Variants in COMMD10 observed in about 807,000 individuals in gnomAD.
The protein encoded by COMMD10 is COMM domain containing 10.
Under a neutral mutation model 28.9 loss-of-function variants are expected in COMMD10, and 33 were observed. That is an observed-to-expected ratio of 1.14 (90% CI 0.87 to 1.53). The LOEUF is 1.53. COMMD10 is among the 40% of genes most tolerant of loss of function. The pLI is 0.00. For missense variants in COMMD10, 310 were observed against 233.4 expected (o/e 1.33, Z -2.14); for synonymous variants, 110 against 81.7 (o/e 1.35, Z -1.87).
At chr5:116,222,990 G>A (rs953890411) in intron 5 of COMMD10, among the ~76,000 whole-genome samples, 5 of 152,018 alleles carry the variant, frequency 3.3e-5, no homozygotes, top group African/African-American at 2.4e-5. Context: ...GCGCTCAGCC[G>A]CCCTTTTTAA....
chr5:116,186,313 G>A (rs1373404077), intron 5 of COMMD10, among the ~76,000 whole-genome samples: 1 of 151,888 alleles, frequency 6.6e-6, no homozygotes, highest in Non-Finnish European at 1.5e-5. Flanking sequence ...TTTCATTTCC[G>A]CACTTAACAG....
intron 5 of COMMD10, among the ~76,000 whole-genome samples, chr5:116,214,194 A>G (rs865818325): frequency 6.6e-6 from 1 of 152,130 alleles, no homozygotes; most frequent in African/African-American, 2.4e-5. Flanking sequence ...AACTTCTTGG[A>G]AAGTAGAACC....
rs181454362 is a variant in COMMD10 at position 116,087,502 on chromosome 5, A to T, written c.47A>T (p.Lys16Met). ...TGTTTTATAATTTTGTTTAGCATGA[A>T]GAAAGCAGTGTCACTGATAAATGCA... The part of the protein sequence containing the change: ...ALILRESPSM[K>M]KAVSLINAID... The change falls in exon 2 of 7, where the codon AAG becomes ATG. Residue 16 changes from lysine to methionine, a missense_variant. Transcript: ENST00000274458. 4.4e-6 allele frequency: 7 copies of T among 1,603,188 alleles called. No homozygotes were observed. The highest frequency in any genetic ancestry group is 6.0e-6 in the Non-Finnish European group (7 of 1,170,010).
chr5:116,106,662 G>C (rs1246464613), intron 4 of COMMD10, among the ~76,000 whole-genome samples: 1 of 152,114 alleles, frequency 6.6e-6, no homozygotes, highest in African/African-American at 2.4e-5. Context: ...ATGAATTGGG[G>C]TGCTCCTGTA....
chr5:116,197,615 C>T (rs56252845), intron 5 of COMMD10, among the ~76,000 whole-genome samples: 12,563 of 152,138 alleles, frequency 0.083, 1,007 homozygotes, highest in African/African-American at 0.2. Flanking sequence ...AAACTGAGCA[C>T]AAGTGATCCA....
At chr5:116,145,337 T>A (rs751730732) in intron 5 of COMMD10, among the ~76,000 whole-genome samples, 3 of 151,874 alleles carry the variant, frequency 2.0e-5, no homozygotes, top group Admixed American at 6.6e-5. Flanking sequence ...TTCATCTATT[T>A]TTAATTGCTC....
At chr5:116,171,222 A>G (rs1221046151) in intron 5 of COMMD10, among the ~76,000 whole-genome samples, 1 of 152,178 alleles carries the variant, frequency 6.6e-6, no homozygotes, top group African/African-American at 2.4e-5. Flanking sequence ...CAGACATACG[A>G]AAAAAAGCTC....
intron 5 of COMMD10, among the ~76,000 whole-genome samples, chr5:116,222,113 G>A (rs1749275518): frequency 6.6e-6 from 1 of 152,164 alleles, no homozygotes; most frequent in African/African-American, 2.4e-5. Flanking sequence ...CATCTGGGAT[G>A]TTAAGAAGTT....
At chr5:116,140,745 T>C (rs2112781148) in intron 5 of COMMD10, among the ~76,000 whole-genome samples, 1 of 151,948 alleles carries the variant, frequency 6.6e-6, no homozygotes, top group African/African-American at 2.4e-5. Context: ...CTATTTAGGT[T>C]CTTTGCCCCT....
intron 4 of COMMD10, among the ~76,000 whole-genome samples, chr5:116,098,387 A>T (rs1348198177): frequency 6.6e-6 from 1 of 152,202 alleles, no homozygotes; most frequent in South Asian, 2.1e-4. Flanking sequence ...AGCAGAACAC[A>T]TGTTGGTAGT....
intron 2 of COMMD10, among the ~76,000 whole-genome samples, chr5:116,089,471 A>G (rs763295062): frequency 6.6e-6 from 1 of 152,206 alleles, no homozygotes; most frequent in African/African-American, 2.4e-5. Context: ...GTGCTTGCTT[A>G]TGTATAAAAA....
chr5:116,253,204 A>G (rs1314063993), intron 5 of COMMD10, among the ~76,000 whole-genome samples: 17 of 116,622 alleles, frequency 1.5e-4, no homozygotes, highest in African/African-American at 3.8e-4. Context: ...GGGCTGAGAC[A>G]ATGGGGTTTT....
At chr5:116,265,901 C>A (rs552555013) in intron 5 of COMMD10, among the ~76,000 whole-genome samples, 244 of 151,856 alleles carry the variant, frequency 1.6e-3, no homozygotes, top group Non-Finnish European at 6.8e-4. Flanking sequence ...CCCTTAAGAA[C>A]CTTTCATCCT....
chr5:116,128,807 G>C (rs923989665), intron 4 of COMMD10, among the ~76,000 whole-genome samples: 8 of 151,888 alleles, frequency 5.3e-5, no homozygotes, highest in Non-Finnish European at 1.5e-5. Context: ...ATTTTATGGC[G>C]TATCCCTCAA....
At chr5:116,102,731 T>C (rs1010221064) in intron 4 of COMMD10, among the ~76,000 whole-genome samples, 5 of 152,160 alleles carry the variant, frequency 3.3e-5, no homozygotes, top group Non-Finnish European at 7.3e-5. Flanking sequence ...GTTTGTTACA[T>C]AGGTATACAC....
intron 5 of COMMD10, among the ~76,000 whole-genome samples, chr5:116,243,429 C>G (rs911605359): frequency 6.6e-6 from 1 of 152,062 alleles, no homozygotes; most frequent in African/African-American, 2.4e-5. Context: ...GTTTTAATTT[C>G]TGAAATAATG....
chr5:116,149,277 C>G (rs1433488615), intron 5 of COMMD10, among the ~76,000 whole-genome samples: 1 of 141,588 alleles, frequency 7.1e-6, no homozygotes, highest in Non-Finnish European at 1.5e-5. Flanking sequence ...TGGGTTGGTT[C>G]TAAGTCTTTG....
intron 5 of COMMD10, among the ~76,000 whole-genome samples, chr5:116,186,051 C>T (rs1748125602): frequency 6.6e-6 from 1 of 152,118 alleles, no homozygotes; most frequent in African/African-American, 2.4e-5. Flanking sequence ...TTTTAATCAT[C>T]TGAGGAATTT....
chr5:116,185,835 T>A (rs369490456), intron 5 of COMMD10, among the ~76,000 whole-genome samples: 2 of 152,136 alleles, frequency 1.3e-5, no homozygotes, highest in East Asian at 3.9e-4. Flanking sequence ...AATATTTTCA[T>A]TATCTTCTTA....
Sources: gnomAD v4.1 joint callset for allele counts (sites outside exome capture counted in the v4.1 genomes callset) on GRCh38, gnomAD v4.1.1 for gene constraint, MANE v1.5 for transcripts, NCBI Gene and HGNC (gene_info 2026-07-23, HGNC 2026-07-21) for gene names.